Variants in PELP1 observed in about 807,000 individuals in gnomAD.
PELP1 encodes proline, glutamate and leucine rich protein 1.
PELP1 carries 32 observed loss-of-function variants against 95.5 expected under a neutral mutation model. The ratio of observed to expected loss-of-function variants is 0.34; its 90% CI spans 0.25 to 0.45. The LOEUF is 0.45. Among genes scored for constraint, PELP1 ranks in the 20% least tolerant of loss-of-function variants. PELP1 has a pLI of 1.00. For missense variants in PELP1, 1,358 were observed against 1,444.8 expected, an observed-to-expected ratio of 0.94 and a Z score of 0.97; for synonymous variants, 668 against 600.1, an observed-to-expected ratio of 1.11 and a Z score of -1.65.
In PELP1 at chr17:4,673,705, G is replaced by C; in HGVS notation, c.1583-31C>G. ...GAAGAAGAATGGTGTGTAAAGGGTA[G>C]GCTCCCAACAGACTGACGGCAAGGG... On this transcript the variant is annotated intron_variant, in intron 13 of 16. Transcript: ENST00000572293. The surrounding 1 kb of genome is among the most constrained non-coding windows in gnomAD (Gnocchi z 5.7). 1.2e-6 allele frequency: 2 copies of C among 1,601,616 alleles called. No individual in the cohort carries two copies. The highest frequency in any genetic ancestry group is 1.7e-6 in the Non-Finnish European group (2 of 1,168,606).
intron 1 of PELP1, among the ~76,000 whole-genome samples, chr17:4,702,824 A>C (rs1913596458): frequency 6.6e-6 from 1 of 152,128 alleles, no homozygotes; most frequent in South Asian, 2.1e-4. Flanking sequence ...GAGAGAAGGG[A>C]AGATAGGAGA....
At chr17:4,691,352 G>C in intron 2 of PELP1, 26 bp downstream of exon 2, 1 of 1,573,578 alleles carries the variant, frequency 6.4e-7, no homozygotes, top group Non-Finnish European at 8.7e-7. Flanking sequence ...CACGCCCCTG[G>C]AGAAAAAAAA....
intron 1 of PELP1, among the ~76,000 whole-genome samples, chr17:4,703,589 A>G (rs1216014624): frequency 6.6e-6 from 1 of 152,124 alleles, no homozygotes; most frequent in African/African-American, 2.4e-5. Flanking sequence ...TTATACAACT[A>G]GTGAGTGACC....
At chr17:4,692,544 T>C (rs764954182) in intron 1 of PELP1, among the ~76,000 whole-genome samples, 28 of 152,040 alleles carry the variant, frequency 1.8e-4, no homozygotes, top group Non-Finnish European at 3.1e-4. Flanking sequence ...ACTTATTTTC[T>C]AGTTAAGAGG....
At chr17:4,691,092 C>G (rs1211076305) in intron 2 of PELP1, 99 bp from the exon 3 acceptor site, 1 of 848,340 alleles carries the variant, frequency 1.2e-6, no homozygotes, top group African/African-American at 1.7e-5. Flanking sequence ...AAGACTTCAT[C>G]CCCAGATCCA....
At chr17:4,681,290 GC>G (rs1912675333) in intron 5 of PELP1, among the ~76,000 whole-genome samples, 1 of 152,102 alleles carries the variant, frequency 6.6e-6, no homozygotes, top group Non-Finnish European at 1.5e-5. Context: ...TTCAAGACCA[GC>G]CTGGCCAACA....
intron 3 of PELP1, among the ~76,000 whole-genome samples, chr17:4,685,311 A>G (rs1438534067): frequency 6.6e-6 from 1 of 152,076 alleles, no homozygotes; most frequent in African/African-American, 2.4e-5. Flanking sequence ...TGGCCCCCCC[A>G]GCCCGCAATC....
intron 3 of PELP1, among the ~76,000 whole-genome samples, chr17:4,683,388 T>TA (rs1486192944): frequency 2.4e-4 from 37 of 151,678 alleles, no homozygotes; most frequent in Non-Finnish European, 5.0e-4. Flanking sequence ...GCCTGACTAA[T>TA]TTTTTGTATT....
intron 1 of PELP1, among the ~76,000 whole-genome samples, chr17:4,702,812 G>C (rs1913595585): frequency 6.6e-6 from 1 of 152,140 alleles, no homozygotes; most frequent in Non-Finnish European, 1.5e-5. Flanking sequence ...GAGGTTTAGT[G>C]GGAGAGAAGG....
Position 4,671,718 on chromosome 17 carries a change from C to G in PELP1, c.3273G>C (p.Glu1091Asp). 3.9e-6 allele frequency: 6 copies of G among 1,550,404 alleles called. No individual in the cohort carries two copies. Among genetic ancestry groups the G allele is most frequent in the Non-Finnish European group, 5.2e-6 (6 of 1,153,950 alleles). Residue 1091 changes from glutamate (E) to aspartate (D), a missense_variant, in exon 16 of 17, where the codon GAG (glutamate) becomes GAC (aspartate). Coordinates refer to ENST00000572293, the MANE Select transcript of PELP1 (RefSeq NM_014389.3). ...TTTCCTGGAGAGCTTCGGCCTCTGTCTCTGTCTCCATCTCTTCTTCTGCAG... is the reference window on the plus strand; with the variant it reads ...TTTCCTGGAGAGCTTCGGCCTCTGTGTCTGTCTCCATCTCTTCTTCTGCAG... ...ETPAEEEMET[E>D]TEAEALQEKE...
chr17:4,671,133 A>T lies in PELP1; in HGVS notation c.*306T>A. The stretch of plus-strand genomic sequence containing the variant: ...AACACGAAAGCAGGGCTGTGTCTCT[A>T]TAACTCCTCATTCTTAACCCTACAC... On this transcript the variant is annotated 3_prime_UTR_variant, in exon 17 of 17. Transcript: ENST00000572293. The T allele has an allele frequency of 2.5e-6, 1 of 403,188 alleles. No individual in the cohort carries two copies. The allele number at this position is 403,188 out of a possible 1,614,324, so 25.0% of individuals were successfully genotyped here.
At position 4,682,915 on chromosome 17, in the gene PELP1, G is replaced by A. The variant is rs1264876414; in HGVS notation, c.458C>T (p.Ala153Val). 4 of 1,560,524 alleles carry A rather than the reference G, an allele frequency of 2.6e-6. No homozygotes were observed. Among genetic ancestry groups the A allele is most frequent in the South Asian group, 2.4e-5 (2 of 82,032 alleles). Residue 153 changes from alanine to valine, a missense_variant, in exon 4 of 17, where the codon GCT (alanine) becomes GTT (valine). By Grantham distance (64) the Ala-to-Val change is moderately conservative. Around this residue, in one of 7 missense-constraint regions of PELP1, gnomAD observed 538 missense variants for 628.1 expected, o/e 0.86. Transcript: ENST00000572293. Reference protein sequence around the residue: ...DPPATMELAVAVLRDLLRYAA... With the variant: ...DPPATMELAVVVLRDLLRYAA... ...ATATCGGAGGAGGTCCCTCAGGACA[G>A]CCACGGCCAGCTCCATTGTGGCAGG...
intron 5 of PELP1, among the ~76,000 whole-genome samples, chr17:4,681,767 T>C (rs534621855): frequency 7.9e-5 from 12 of 151,026 alleles, no homozygotes; most frequent in African/African-American, 2.7e-4. Flanking sequence ...GCCACTGCAC[T>C]CCAGCCTGGC....
chr17:4,672,990 A>T lies in PELP1; in HGVS notation c.2001T>A (p.Pro667=), dbSNP rs775208212. 5 of 1,564,644 alleles carry T rather than the reference A, an allele frequency of 3.2e-6. No individual in the cohort carries two copies. Among genetic ancestry groups the T allele is most frequent in the Non-Finnish European group, 4.3e-6 (5 of 1,155,998 alleles). Residue 667 remains proline (P), a synonymous_variant, in exon 16 of 17, where the codon CCT becomes CCA. Transcript: ENST00000572293. The stretch of plus-strand genomic sequence containing the variant: ...AGCCCACTGAGGGCATGGGGCCCGG[A>T]GGATGGAACGGTGGGGCCCTGAAGG... ...PSPFRAPPFH[P]PGPMPSVGSM...
chr17:4,680,196 C>G (rs765519952), intron 5 of PELP1, among the ~76,000 whole-genome samples: 1 of 152,214 alleles, frequency 6.6e-6, no homozygotes, highest in Non-Finnish European at 1.5e-5. Context: ...GTGAATGGCA[C>G]AGTGGGCACC....
chr17:4,672,363 CT>C lies in PELP1; in HGVS notation c.2627del (p.Glu876GlyfsTer3). The C allele has an allele frequency of 6.4e-7, 1 of 1,553,572 alleles. No homozygotes were observed. Among genetic ancestry groups the C allele is most frequent in the Non-Finnish European group, 8.7e-7 (1 of 1,148,096 alleles). ...TGTTGATATTAATAACTGTCAAATC[CT>C]CTTCCAGGGCTGGGGGTCCTCCCCC... Reference protein sequence around the residue: ...PGGGGPPALEEDLTVININSS... With the variant: ...PGGGGPPALEXDLTVININSS... On this transcript the variant is annotated frameshift_variant, in exon 16 of 17. Transcript: ENST00000572293. LOFTEE classifies it high-confidence loss of function.
rs1567661703 is a variant in PELP1, at chr17:4,675,778, G to A, written c.1068+19C>T. ...GTATCCTGAGCAAGGGCTCTGAAGA[G>A]ATGACAAATCCCACTTACAATATTC... On this transcript the variant is annotated intron_variant, in intron 9 of 16. Coordinates refer to ENST00000572293, the MANE Select transcript of PELP1 (RefSeq NM_014389.3). The surrounding 1 kb of genome is among the most constrained non-coding windows in gnomAD (Gnocchi z 4.3). The A allele has an allele frequency of 5.2e-6, 8 of 1,527,974 alleles. No homozygotes were observed. The highest frequency in any genetic ancestry group is 7.1e-6 in the Non-Finnish European group (8 of 1,122,478). The allele number at this position is 1,527,974 out of a possible 1,614,324, so 94.7% of individuals were successfully genotyped here. A position where few individuals can be genotyped will look rare whatever the true frequency, so the allele number is the denominator to read the frequency against.
chr17:4,671,697 C>G lies in PELP1; in HGVS notation c.3294G>C (p.Gln1098His), dbSNP rs1259331741. 2.0e-5 allele frequency: 31 copies of G among 1,572,034 alleles called. No homozygotes were observed. The Admixed American group carries it at 6.4e-4, about 32-fold the overall frequency. Residue 1098 changes from glutamine (Q) to histidine (H), a missense_variant, in exon 16 of 17, where the codon CAG becomes CAC. Physicochemically the swap from Gln to His is conservative, Grantham distance 24. Around this residue, in one of 7 missense-constraint regions of PELP1, gnomAD observed 283 missense variants for 284.1 expected, o/e 1.00. Coordinates refer to ENST00000572293, the MANE Select transcript of PELP1 (RefSeq NM_014389.3). Reference protein sequence around the residue: ...METETEAEALQEKEQDDTAAM... With the variant: ...METETEAEALHEKEQDDTAAM... ...TCCCTGCCTGGCCTCTCACCTTTTC[C>G]TGGAGAGCTTCGGCCTCTGTCTCTG...
chr17:4,674,468 C>G, intron 13 of PELP1, 42 bp downstream of exon 13: 1 of 1,577,304 alleles, frequency 6.3e-7, no homozygotes, highest in Non-Finnish European at 8.6e-7. Flanking sequence ...AGGATGGGGT[C>G]CCGTTTGAGC....
Sources: allele counts gnomAD v4.1 joint callset (sites outside exome capture counted in the v4.1 genomes callset), GRCh38; gene constraint gnomAD v4.1.1; regional missense constraint gnomAD v4.1.1; non-coding constraint Gnocchi (gnomAD v3.1); transcripts MANE v1.5; gene names NCBI Gene and HGNC (gene_info 2026-07-23, HGNC 2026-07-21).